SEC16B: variants seen among roughly 807,000 people sequenced by gnomAD.
The protein encoded by SEC16B is protein transport protein Sec16B.
A neutral mutation model predicts 141.8 loss-of-function variants in SEC16B; 115 were observed. The ratio of observed to expected loss-of-function variants is 0.81; its 90% CI spans 0.70 to 0.95. The LOEUF (loss-of-function observed/expected upper bound fraction) is 0.95. SEC16B is among the 40% of genes least tolerant of loss of function. The pLI is 0.00. For missense variants in SEC16B, 1,291 were observed against 1,312.3 expected (o/e 0.98, Z 0.25); for synonymous variants, 493 against 492.5 (o/e 1.00, Z -0.01).
intron 15 of SEC16B, among the ~76,000 whole-genome samples, chr1:177,942,594 G>A (rs1184790627): frequency 1.3e-5 from 2 of 152,108 alleles, no homozygotes; most frequent in African/African-American, 2.4e-5. Context: ...CTTGAACCCA[G>A]GAGGCGGAGG....
At chr1:177,962,320 T>C (rs1463260762) in intron 5 of SEC16B, among the ~76,000 whole-genome samples, 1 of 152,022 alleles carries the variant, frequency 6.6e-6, no homozygotes, top group African/African-American at 2.4e-5. Flanking sequence ...TCTGCCCACC[T>C]CAGCCTCCCA....
intron 20 of SEC16B, 75 bp downstream of exon 20, chr1:177,936,223 G>T: frequency 1.6e-6 from 2 of 1,220,618 alleles, no homozygotes; most frequent in Non-Finnish European, 2.4e-6. Flanking sequence ...GCATGTGGCT[G>T]GGAAACCAAG....
chr1:177,935,105 G>T (rs7538368), intron 20 of SEC16B, among the ~76,000 whole-genome samples: 24,122 of 151,740 alleles, frequency 0.16, 2,055 homozygotes, highest in Middle Eastern at 0.22. Flanking sequence ...TATTCACCTG[G>T]CTCATTTCCA....
At chr1:177,970,985 G>A (rs1653918864), upstream of SEC16B, among the ~76,000 whole-genome samples, 1 of 151,962 alleles carries the variant, frequency 6.6e-6, no homozygotes, top group Non-Finnish European at 1.5e-5. Context: ...GGTCATATAG[G>A]GTCATGTACC....
chr1:177,976,222 A>G lies in SEC16B; in HGVS notation c.-59+7984T>C, dbSNP rs1481034702. 2.0e-5 allele frequency among the ~76,000 whole-genome samples: 3 copies of G among 152,174 alleles called. No homozygotes were observed. In the South Asian group the frequency reaches 6.2e-4, roughly 31 times the overall value. ...AGCTGGAGAGGCAGTCTATCATTCA[A>G]GAAGAATGACTCTATGCTTCCTTAT... On this transcript the variant is annotated intron_variant and NMD_transcript_variant, in intron 1 of 24. Coordinates refer to the SEC16B transcript ENST00000528461.
chr1:177,948,317 CTTGGCT>C, intron 12 of SEC16B: 1 of 1,282,752 alleles, frequency 7.8e-7, no homozygotes, highest in Non-Finnish European at 1.0e-6. Flanking sequence ...ATCAAACATC[CTTGGCT>C]TATGAGTAGA....
At chr1:177,979,819 T>C (rs958259876) in intron 1 of SEC16B, among the ~76,000 whole-genome samples, 3 of 152,158 alleles carry the variant, frequency 2.0e-5, no homozygotes, top group Non-Finnish European at 4.4e-5. Context: ...AGAGCTTGTG[T>C]AGGGAAACAC....
chr1:177,981,970 G>T (rs1654436164), intron 1 of SEC16B, among the ~76,000 whole-genome samples: 1 of 152,178 alleles, frequency 6.6e-6, no homozygotes, highest in African/African-American at 2.4e-5. Context: ...TGTCAAAGAA[G>T]AGCACAGACT....
chr1:177,948,616 A>G lies in SEC16B; in HGVS notation c.1546-674T>C, dbSNP rs916172800. 6 of 1,303,506 alleles carry G rather than the reference A, an allele frequency of 4.6e-6. No homozygotes were observed. In the African/African-American group the frequency reaches 7.6e-5, roughly 16 times the overall value. 80.7% of individuals were successfully genotyped at this position (1,303,506 alleles called of 1,614,324 possible). ...GCCCCGCATCAATGGTGTTTTCCCC[A>G]CAATCTCTCCCTAAGGCTGTCCTAC... On this transcript the variant is annotated intron_variant, in intron 12 of 25. Transcript: ENST00000308284.
At position 177,946,358 on chromosome 1, in the gene SEC16B, C is replaced by T. The variant is rs1394827176; in HGVS notation, c.1775+62G>A. On this transcript the variant is annotated intron_variant, in intron 14 of 25. Coordinates refer to ENST00000308284, the MANE Select transcript of SEC16B (RefSeq NM_033127.4). ...TGAAAAATGGATCCATAAAACCCAA[C>T]AAGGGCTAAAACAGTCCCTTGGAAA... 5.7e-6 allele frequency: 7 copies of T among 1,231,888 alleles called. No individual in the cohort carries two copies. In the South Asian group the frequency reaches 9.0e-5, roughly 16 times the overall value. 76.3% of individuals were successfully genotyped at this position (1,231,888 alleles called of 1,614,324 possible).
chr1:177,933,639 G>A lies in SEC16B; in HGVS notation c.2572-3C>T, dbSNP rs192490446. On this transcript the variant is annotated splice_region_variant and splice_polypyrimidine_tract_variant and intron_variant, in intron 20 of 25. Transcript: ENST00000308284. ...CGTGGTCTAGCAGCCAATGGTGTCT[G>A]GAATTAAAGAAATAACTCACATTTG... 6.2e-7 allele frequency: 1 copy of A among 1,613,674 alleles called. No homozygotes were observed. The highest frequency in any genetic ancestry group is 1.3e-5 in the African/African-American group (1 of 75,008).
chr1:177,965,856 C>A, intron 3 of SEC16B, 37 bp downstream of exon 3: 2 of 1,364,662 alleles, frequency 1.5e-6, no homozygotes, highest in East Asian at 2.5e-5. Context: ...CTGCCCCATC[C>A]CCAAATCCCA....
At chr1:177,942,874 C>T (rs1651389455) in intron 15 of SEC16B, among the ~76,000 whole-genome samples, 1 of 152,118 alleles carries the variant, frequency 6.6e-6, no homozygotes, top group Non-Finnish European at 1.5e-5. Flanking sequence ...CTCTCTGTGC[C>T]TCGGTTTCCT....
intron 14 of SEC16B, chr1:177,945,792 G>C (rs144132732): frequency 6.5e-6 from 1 of 153,784 alleles, no homozygotes; most frequent in Non-Finnish European, 1.4e-5. Context: ...CTCTTAACAC[G>C]TATGGGGAGG....
chr1:177,954,449 G>A, intron 10 of SEC16B, 73 bp from the exon 11 acceptor site: 3 of 1,231,756 alleles, frequency 2.4e-6, no homozygotes, highest in South Asian at 1.3e-5. Flanking sequence ...CTTAGGTGCT[G>A]CTGCATCCTG....
chr1:177,970,678 G>A (rs1653902425), upstream of SEC16B, among the ~76,000 whole-genome samples: 1 of 152,168 alleles, frequency 6.6e-6, no homozygotes, highest in East Asian at 1.9e-4. Context: ...CTGAACTGAA[G>A]GCACTAAAAA....
At chr1:177,943,777 G>A (rs1419127130) in intron 15 of SEC16B, among the ~76,000 whole-genome samples, 4 of 152,150 alleles carry the variant, frequency 2.6e-5, no homozygotes, top group East Asian at 1.9e-4. Context: ...CGCTGTTCTC[G>A]AGCATTAAGG....
Position 177,966,572 on chromosome 1 carries a change from AT to A in SEC16B, c.300-568del, listed in dbSNP as rs147989047. On this transcript the variant is annotated intron_variant, in intron 2 of 25. Coordinates refer to ENST00000308284, the MANE Select transcript of SEC16B (RefSeq NM_033127.4). ...ATATTAATGTTTTTATCAATTAATA[AT>A]TTTTTTTTTTGAGACAGAGCCTCAC... Among the ~76,000 whole-genome samples, 562 of 150,492 alleles carry A rather than the reference AT, an allele frequency of 3.7e-3. 6 individuals carry two copies. The highest frequency in any genetic ancestry group is 0.011 in the African/African-American group (471 of 41,024).
At chr1:177,934,704 G>A (rs1452576007) in intron 20 of SEC16B, among the ~76,000 whole-genome samples, 2 of 152,126 alleles carry the variant, frequency 1.3e-5, no homozygotes, top group Non-Finnish European at 2.9e-5. Context: ...GTTAAAAGTA[G>A]GCTGTCTGGC....
Sources: gnomAD v4.1 joint callset for allele counts (sites outside exome capture counted in the v4.1 genomes callset) on GRCh38, gnomAD v4.1.1 for gene constraint, MANE v1.5 for transcripts, NCBI Gene and HGNC (gene_info 2026-07-23, HGNC 2026-07-21) for gene names.